The following OR9Q1 variants were observed in gnomAD, a reference collection of about 807,000 sequenced individuals.
OR9Q1 encodes the protein olfactory receptor 9Q1.
For synonymous variants in OR9Q1, 153 were observed against 148.6 expected, an observed-to-expected ratio of 1.03 and a Z score of -0.22; for missense variants, 374 against 378.8, an observed-to-expected ratio of 0.99 and a Z score of 0.11.
chr11:58,118,426 T>G lies in OR9Q1; in HGVS notation c.-14-61005T>G, dbSNP rs146791149. ...TCTGTTTGTGGGTATAGGTTGCATA[T>G]AGTAATGGTGCCTATTAGGATATAT... On this transcript the variant is annotated intron_variant, in intron 2 of 2. Coordinates refer to ENST00000335397, the MANE Select transcript of OR9Q1 (RefSeq NM_001005212.4). The G allele has an allele frequency of 1.1e-3, 1,038 of 964,458 alleles. 30 individuals are homozygous for G. In the East Asian group the frequency reaches 0.017, roughly 15 times the overall value. The allele number at this position is 964,458 out of a possible 1,614,324, so 59.7% of individuals were successfully genotyped here. A position where few individuals can be genotyped will look rare whatever the true frequency, so the allele number is the denominator to read the frequency against.
intron 2 of OR9Q1, among the ~76,000 whole-genome samples, chr11:58,065,270 G>A (rs1166877549): frequency 1.3e-5 from 2 of 152,232 alleles, no homozygotes; most frequent in Non-Finnish European, 2.9e-5. Context: ...GAGACTGGTA[G>A]TCACATACAC....
intron 2 of OR9Q1, among the ~76,000 whole-genome samples, chr11:58,164,862 C>T (rs1854486966): frequency 6.6e-6 from 1 of 152,204 alleles, no homozygotes; most frequent in African/African-American, 2.4e-5. Flanking sequence ...GGTCTCGCCT[C>T]AGAGCCCTTG....
At chr11:58,048,696 T>A (rs111281597) in intron 1 of OR9Q1, among the ~76,000 whole-genome samples, 23,252 of 119,060 alleles carry the variant, frequency 0.2, 2,595 homozygotes, top group East Asian at 0.51. Context: ...ATATATATAT[T>A]TTTTAGCAAG....
At chr11:58,147,019 C>T (rs1458215966) in intron 2 of OR9Q1, among the ~76,000 whole-genome samples, 5 of 152,056 alleles carry the variant, frequency 3.3e-5, no homozygotes, top group Admixed American at 2.0e-4. Context: ...GTGGAAAGGA[C>T]GCTGGTGGTG....
At chr11:58,078,453 G>A (rs1313443570) in intron 2 of OR9Q1, 1 of 152,206 alleles carries the variant, frequency 6.6e-6, no homozygotes, top group East Asian at 1.9e-4. Context: ...GTGAAGAGAT[G>A]CACATTCACT....
chr11:58,175,412 T>C, intron 2 of OR9Q1, among the ~76,000 whole-genome samples: 1 of 152,012 alleles, frequency 6.6e-6, no homozygotes, highest in East Asian at 1.9e-4. Context: ...CTCTCTTCTG[T>C]CCGAACTGAC....
At position 58,055,723 on chromosome 11, in the gene OR9Q1, C is replaced by T. The variant is rs1425686381; in HGVS notation, c.-92-147C>T. On this transcript the variant is annotated intron_variant, in intron 1 of 2. Transcript: ENST00000335397. ...GCTGAGGTAGGAGGATTGCCTGAGC[C>T]TGGGAGGTAGAGGCTGCAGTGAGCC... 3.4e-5 allele frequency: 5 copies of T among 148,520 alleles called. No individual in the cohort carries two copies. In the East Asian group the frequency reaches 5.9e-4, roughly 17 times the overall value. 9.2% of individuals were successfully genotyped at this position (148,520 alleles called of 1,614,324 possible).
At chr11:58,056,987 G>GTTTTTTT (rs34375940) in intron 2 of OR9Q1, among the ~76,000 whole-genome samples, 2 of 68,784 alleles carry the variant, frequency 2.9e-5, no homozygotes, top group African/African-American at 5.9e-5. Context: ...TACAATTCAG[G>GTTTTTTT]TTTTTTTTTT....
At chr11:58,139,295 T>TA (rs1854219936) in intron 2 of OR9Q1, among the ~76,000 whole-genome samples, 4 of 145,488 alleles carry the variant, frequency 2.7e-5, no homozygotes, top group Admixed American at 7.0e-5. Flanking sequence ...TTTTTTTTTT[T>TA]ATTATACTTT....
intron 1 of OR9Q1, among the ~76,000 whole-genome samples, chr11:58,038,652 G>T (rs879705205): frequency 4.4e-5 from 6 of 136,148 alleles, no homozygotes; most frequent in Admixed American, 3.6e-4. Flanking sequence ...TGGTGAGAAT[G>T]ACTGGATCTA....
At chr11:58,055,782 C>T (rs12791055) in intron 1 of OR9Q1, 88 bp from the exon 2 acceptor site, 2 of 146,440 alleles carry the variant, frequency 1.4e-5, no homozygotes, top group Admixed American at 6.9e-5. Flanking sequence ...CCTGGGCAAC[C>T]GAGCGAGACT....
chr11:58,093,759 CAAAAAAAAAAAAA>C (rs71061572), intron 2 of OR9Q1, among the ~76,000 whole-genome samples: 1 of 35,562 alleles, frequency 2.8e-5, no homozygotes, highest in Non-Finnish European at 5.6e-5. Context: ...GACTTCATCT[CAAAAAAAAAAAAA>C]AAAAAAAAAA....
intron 2 of OR9Q1, among the ~76,000 whole-genome samples, chr11:58,092,384 G>A (rs555960801): frequency 8.6e-5 from 13 of 150,526 alleles, no homozygotes; most frequent in Non-Finnish European, 1.9e-4. Context: ...TATTTTTGAT[G>A]TGCAATTTTT....
intron 2 of OR9Q1, chr11:58,118,522 A>C: frequency 1.2e-6 from 2 of 1,605,516 alleles, no homozygotes; most frequent in East Asian, 2.2e-5. Flanking sequence ...GGACACCTGG[A>C]GTCTCCTAGC....
intron 2 of OR9Q1, chr11:58,078,424 T>C (rs1853560187): frequency 6.6e-6 from 1 of 152,192 alleles, no homozygotes; most frequent in Non-Finnish European, 1.5e-5. Context: ...GTGACATTTG[T>C]TAGGAAGAAG....
chr11:58,128,572 A>G (rs928534416), intron 2 of OR9Q1, among the ~76,000 whole-genome samples: 2 of 152,190 alleles, frequency 1.3e-5, no homozygotes, highest in African/African-American at 4.8e-5. Flanking sequence ...CTATCGCGTT[A>G]TAAAGAAAAT....
chr11:58,147,732 G>A (rs772372934), intron 2 of OR9Q1, among the ~76,000 whole-genome samples: 5 of 152,052 alleles, frequency 3.3e-5, no homozygotes, highest in Non-Finnish European at 7.4e-5. Context: ...ACTGGGGAAT[G>A]GTGTATGTTG....
intron 1 of OR9Q1, chr11:58,031,949 A>G: frequency 8.5e-7 from 1 of 1,171,148 alleles, no homozygotes. Context: ...GGATATTTAA[A>G]AACAGGTTAG....
chr11:58,169,091 C>T (rs1297199935), intron 2 of OR9Q1, among the ~76,000 whole-genome samples: 2 of 152,110 alleles, frequency 1.3e-5, no homozygotes, highest in Non-Finnish European at 2.9e-5. Context: ...ATTCTAAATG[C>T]AAAATAATTT....
Sources: allele counts gnomAD v4.1 joint callset (sites outside exome capture counted in the v4.1 genomes callset), GRCh38; gene constraint gnomAD v4.1.1; transcripts MANE v1.5; gene names NCBI Gene and HGNC (gene_info 2026-07-23, HGNC 2026-07-21).